The following EPB41L4A variants were observed in gnomAD, a reference collection of about 807,000 sequenced individuals.
The protein encoded by EPB41L4A is band 4.1-like protein 4A.
In EPB41L4A, 100 loss-of-function variants were observed where a neutral mutation model predicts 108.6. That is an observed-to-expected ratio of 0.92 (90% CI 0.78 to 1.09). EPB41L4A has a LOEUF of 1.09. EPB41L4A is among the 50% of genes least tolerant of loss of function. EPB41L4A has a pLI of 0.00. For synonymous variants in EPB41L4A, 319 were observed against 289.0 expected, an observed-to-expected ratio of 1.10 and a Z score of -1.05; for missense variants, 1,030 against 842.7, an observed-to-expected ratio of 1.22 and a Z score of -2.75.
At chr5:112,286,575 G>A (rs1267157064) in intron 2 of EPB41L4A, among the ~76,000 whole-genome samples, 1 of 152,122 alleles carries the variant, frequency 6.6e-6, no homozygotes, top group Non-Finnish European at 1.5e-5. Context: ...TATGCATCCT[G>A]GCCCCGTCGA....
At chr5:112,324,119 A>T (rs931057292) in intron 1 of EPB41L4A, among the ~76,000 whole-genome samples, 3 of 152,240 alleles carry the variant, frequency 2.0e-5, no homozygotes, top group Non-Finnish European at 4.4e-5. Flanking sequence ...GGCACAGTGT[A>T]TCTAAATGAG....
chr5:112,339,021 AAAGT>A (rs1445672088), intron 1 of EPB41L4A, among the ~76,000 whole-genome samples: 1 of 62,080 alleles, frequency 1.6e-5, no homozygotes, highest in Non-Finnish European at 3.3e-5. Flanking sequence ...TAAATAAAAG[AAAGT>A]GACAGGGTGG....
intron 18 of EPB41L4A, among the ~76,000 whole-genome samples, chr5:112,176,445 G>A (rs1295049522): frequency 6.6e-6 from 1 of 152,020 alleles, no homozygotes; most frequent in African/African-American, 2.4e-5. Context: ...CTAACAAAGA[G>A]AAATCTTGAT....
intron 1 of EPB41L4A, among the ~76,000 whole-genome samples, chr5:112,340,915 G>A (rs79454921): frequency 0.011 from 1,635 of 152,106 alleles, 29 homozygotes; most frequent in African/African-American, 0.037. Flanking sequence ...TCCACCTACT[G>A]TTCACAATGC....
At chr5:112,408,289 G>A (rs1410851895) in intron 1 of EPB41L4A, among the ~76,000 whole-genome samples, 2 of 152,080 alleles carry the variant, frequency 1.3e-5, no homozygotes, top group Non-Finnish European at 2.9e-5. Flanking sequence ...CAGGCCTTAG[G>A]TTAGGCAATG....
At chr5:112,167,941 G>A (rs1760351189) in intron 22 of EPB41L4A, among the ~76,000 whole-genome samples, 1 of 152,216 alleles carries the variant, frequency 6.6e-6, no homozygotes, top group South Asian at 2.1e-4. Context: ...TATGGGATGA[G>A]AGTCAGTAGA....
intron 1 of EPB41L4A, among the ~76,000 whole-genome samples, chr5:112,386,246 C>T (rs2112638063): frequency 6.6e-6 from 1 of 152,294 alleles, no homozygotes; most frequent in Non-Finnish European, 1.5e-5. Flanking sequence ...GAAGTGCTAA[C>T]CTTGTAAACC....
At chr5:112,304,769 T>C (rs538040179) in intron 2 of EPB41L4A, among the ~76,000 whole-genome samples, 139 of 152,318 alleles carry the variant, frequency 9.1e-4, no homozygotes, top group Non-Finnish European at 1.5e-3. Flanking sequence ...AGAGCTATCA[T>C]GTGTTCTGAT....
chr5:112,418,974 C>T lies in EPB41L4A; in HGVS notation c.66G>A (p.Lys22=), dbSNP rs770647298. ...CCTGCTGCTGGGTGGTAAGGGTTAA[C>T]TTGGATTCATCCAGGAGCAAAACTT... The part of the protein sequence containing the change: ...YCEVLLLDES[K]LTLTTQQQGI... Residue 22 remains lysine, a synonymous_variant, in exon 1 of 23, where the codon AAG becomes AAA. Coordinates refer to ENST00000261486, the MANE Select transcript of EPB41L4A (RefSeq NM_022140.5). 1.9e-6 allele frequency: 3 copies of T among 1,613,602 alleles called. No individual in the cohort carries two copies. The Admixed American group carries it at 5.0e-5, about 27-fold the overall frequency.
chr5:112,268,845 A>AAAG (rs1752057068), intron 4 of EPB41L4A, among the ~76,000 whole-genome samples: 2 of 148,028 alleles, frequency 1.4e-5, no homozygotes. Flanking sequence ...CTTCTCTCAA[A>AAAG]AAAAAAAAAA....
At chr5:112,330,301 T>C (rs965365830) in intron 1 of EPB41L4A, among the ~76,000 whole-genome samples, 1 of 152,142 alleles carries the variant, frequency 6.6e-6, no homozygotes, top group Admixed American at 6.5e-5. Context: ...GGTCTCATTC[T>C]TACCATAAAA....
chr5:112,370,686 G>A (rs916295978), intron 1 of EPB41L4A, among the ~76,000 whole-genome samples: 9 of 152,264 alleles, frequency 5.9e-5, no homozygotes, highest in Admixed American at 2.0e-4. Flanking sequence ...AGGCTGAGGC[G>A]GGCAGATCAC....
intron 13 of EPB41L4A, chr5:112,145,853 AATT>A (rs1343647350): frequency 2.2e-6 from 1 of 452,222 alleles, no homozygotes; most frequent in South Asian, 1.6e-5. Flanking sequence ...CTATTGAGAC[AATT>A]ATCAATATAC....
chr5:112,160,209 G>A (rs1759806646), downstream of EPB41L4A, among the ~76,000 whole-genome samples: 1 of 151,984 alleles, frequency 6.6e-6, no homozygotes, highest in South Asian at 2.1e-4. Context: ...CGCGCCCGGC[G>A]TTCTTTTCAC....
rs367823581 is a variant in EPB41L4A at position 112,204,908 on chromosome 5, C to T, written c.1263-420G>A. On this transcript the variant is annotated intron_variant, in intron 14 of 22. Coordinates refer to ENST00000261486, the MANE Select transcript of EPB41L4A (RefSeq NM_022140.5). ...AGAAAAAAAATTGAAATATAGACTA[C>T]TTAATTAAGTGGCCCAAATAAAGTA... 9.9e-5 allele frequency among the ~76,000 whole-genome samples: 15 copies of T among 152,226 alleles called. No homozygotes were observed. The East Asian group carries it at 2.9e-3, about 29-fold the overall frequency.
chr5:112,321,015 T>C (rs965913706), intron 1 of EPB41L4A, among the ~76,000 whole-genome samples: 1 of 151,924 alleles, frequency 6.6e-6, no homozygotes, highest in African/African-American at 2.4e-5. Flanking sequence ...AAAGAAAGGG[T>C]CGTGAGATTA....
chr5:112,316,456 A>T (rs1360825788), intron 1 of EPB41L4A, among the ~76,000 whole-genome samples: 1 of 152,120 alleles, frequency 6.6e-6, no homozygotes, highest in Non-Finnish European at 1.5e-5. Flanking sequence ...CACGGAGGAG[A>T]CATTCTTCAG....
chr5:112,265,687 T>C (rs1751798436), intron 5 of EPB41L4A, among the ~76,000 whole-genome samples: 1 of 152,336 alleles, frequency 6.6e-6, no homozygotes, highest in Non-Finnish European at 1.5e-5. Context: ...CTAGCTTGAT[T>C]CTTAGAAGGT....
At position 112,347,619 on chromosome 5, in the gene EPB41L4A, G is replaced by A. The variant is rs116627177; in HGVS notation, c.100-40129C>T. Among the ~76,000 whole-genome samples the A allele has an allele frequency of 2.6e-3, 402 of 152,204 alleles. 3 individuals are homozygous for A. The highest frequency in any genetic ancestry group is 8.9e-3 in the African/African-American group (369 of 41,524). ...TCATGCAGCTTTTAATTATTCACCC[G>A]GTAACAGAATTCTCTTCTTCCTCCC... On this transcript the variant is annotated intron_variant, in intron 1 of 22. Transcript: ENST00000261486.
Sources: gnomAD v4.1 joint callset for allele counts (sites outside exome capture counted in the v4.1 genomes callset) on GRCh38, gnomAD v4.1.1 for gene constraint, MANE v1.5 for transcripts, NCBI Gene and HGNC (gene_info 2026-07-23, HGNC 2026-07-21) for gene names.